Variants in ACTN2 observed in about 807,000 individuals in gnomAD.
ACTN2 encodes alpha-actinin-2.
Under a neutral mutation model 113.8 loss-of-function variants are expected in ACTN2, and 39 were observed. The observed-to-expected ratio is 0.34, with a 90% CI of 0.27 to 0.45. ACTN2 has a LOEUF of 0.45. Ranked by LOEUF, ACTN2 falls within the 20% of genes least tolerant of loss-of-function variation. The pLI is 1.00. For missense variants in ACTN2, 992 were observed against 1,177.9 expected (o/e 0.84, Z 2.31); for synonymous variants, 429 against 444.1 (o/e 0.97, Z 0.43).
chr1:236,755,726 G>C (rs112593389), intron 17 of ACTN2, among the ~76,000 whole-genome samples: 1 of 116,214 alleles, frequency 8.6e-6, no homozygotes, highest in Admixed American at 8.6e-5. Flanking sequence ...CCTGGTTATA[G>C]AGTATATACT....
intron 7 of ACTN2, among the ~76,000 whole-genome samples, chr1:236,733,000 T>C (rs771155336): frequency 6.6e-6 from 1 of 152,234 alleles, no homozygotes; most frequent in Non-Finnish European, 1.5e-5. Context: ...TATTATTGGC[T>C]ATTAATACTT....
At chr1:236,719,525 C>A (rs1658321159) in intron 3 of ACTN2, among the ~76,000 whole-genome samples, 1 of 152,206 alleles carries the variant, frequency 6.6e-6, no homozygotes, top group Non-Finnish European at 1.5e-5. Flanking sequence ...GGCACAGTGG[C>A]TCATGCTCAT....
intron 3 of ACTN2, among the ~76,000 whole-genome samples, chr1:236,719,344 G>A (rs1658315213): frequency 6.6e-6 from 1 of 152,232 alleles, no homozygotes; most frequent in Admixed American, 6.5e-5. Context: ...TGTTCTCTAT[G>A]GGAGACTGGG....
rs1247389339 is a variant in ACTN2, at chr1:236,725,930, C to T, written c.449-3C>T. 6.2e-7 allele frequency: 1 copy of T among 1,613,962 alleles called. No homozygotes were observed. Among genetic ancestry groups the T allele is most frequent in the East Asian group, 2.2e-5 (1 of 44,892 alleles). On this transcript the variant is annotated splice_region_variant and splice_polypyrimidine_tract_variant and intron_variant, in intron 4 of 20. Transcript: ENST00000366578. ...GGCCACTTTTTCTTGGCTGTCATTACAGAAACATCTGCCAAAGAAGGTCTG... is the reference window on the plus strand; with the variant it reads ...GGCCACTTTTTCTTGGCTGTCATTATAGAAACATCTGCCAAAGAAGGTCTG...
chr1:236,686,523 C>G lies in ACTN2; in HGVS notation c.-151C>G. ...CGGAGCTGGTGCTTCGCCCGAGACC[C>G]AGCGCCCAGGCGTGTCGCCCCGAGA... On this transcript the variant is annotated 5_prime_UTR_variant, in exon 1 of 21. Transcript: ENST00000366578. 1 of 878,344 alleles carries G rather than the reference C, an allele frequency of 1.1e-6. No individual in the cohort carries two copies. The highest frequency in any genetic ancestry group is 1.5e-6 in the Non-Finnish European group (1 of 667,258). 54.4% of individuals were successfully genotyped at this position (878,344 alleles called of 1,614,324 possible). A position where few individuals can be genotyped will look rare whatever the true frequency, so the allele number is the denominator to read the frequency against.
rs12737342 is a variant in ACTN2 at position 236,709,370 on chromosome 1, A to G, written c.127-8488A>G. 4.1e-5 allele frequency among the ~76,000 whole-genome samples: 6 copies of G among 146,108 alleles called. No individual in the cohort carries two copies. The South Asian group carries it at 6.4e-4, about 16-fold the overall frequency. On this transcript the variant is annotated intron_variant, in intron 1 of 20. Coordinates refer to ENST00000366578, the MANE Select transcript of ACTN2 (RefSeq NM_001103.4). ...TATATATATATATACGTGTGTGTGT[A>G]TATATATATATGTATGTATATCTGG...
intron 1 of ACTN2, among the ~76,000 whole-genome samples, chr1:236,706,036 T>G (rs1055627806): frequency 1.3e-5 from 2 of 152,176 alleles, no homozygotes; most frequent in African/African-American, 4.8e-5. Context: ...CCACTTAAAG[T>G]GTCATCCATT....
chr1:236,763,217 A>T lies in ACTN2; in HGVS notation c.*598A>T, dbSNP rs1659761094. 1.2e-5 allele frequency: 2 copies of T among 160,782 alleles called. No individual in the cohort carries two copies. Among genetic ancestry groups the T allele is most frequent in the Non-Finnish European group, 2.7e-5 (2 of 73,146 alleles). 10.0% of individuals were successfully genotyped at this position (160,782 alleles called of 1,614,324 possible). Reference sequence around the variant, plus strand: ...AAGATTTTTGGCACTTACAATTTTTAAAATAGTTTATGTCATCTCTTCATT... The same window carrying T: ...AAGATTTTTGGCACTTACAATTTTTTAAATAGTTTATGTCATCTCTTCATT... On this transcript the variant is annotated 3_prime_UTR_variant, in exon 21 of 21. Transcript: ENST00000366578.
chr1:236,706,255 A>T (rs907542072), intron 1 of ACTN2, among the ~76,000 whole-genome samples: 1 of 151,848 alleles, frequency 6.6e-6, no homozygotes, highest in African/African-American at 2.4e-5. Flanking sequence ...TCTTTTTATT[A>T]AAAAAAATGT....
chr1:236,686,840 G>T, intron 1 of ACTN2, 41 bp downstream of exon 1: 1 of 1,386,248 alleles, frequency 7.2e-7, no homozygotes, highest in Non-Finnish European at 9.4e-7. Context: ...TGGTGGGGCC[G>T]GGTCCCCCGC....
intron 1 of ACTN2, among the ~76,000 whole-genome samples, chr1:236,716,976 A>T (rs1213012926): frequency 6.6e-6 from 1 of 151,632 alleles, no homozygotes; most frequent in Non-Finnish European, 1.5e-5. Context: ...CTGGGACTAC[A>T]GGCACACGTT....
intron 4 of ACTN2, among the ~76,000 whole-genome samples, chr1:236,721,906 A>G (rs1410746370): frequency 2.6e-5 from 4 of 152,170 alleles, no homozygotes; most frequent in South Asian, 4.1e-4. Flanking sequence ...GTAGGTATGA[A>G]TGGTATTATC....
At chr1:236,748,009 G>T in intron 13 of ACTN2, 1 of 488,812 alleles carries the variant, frequency 2.0e-6, no homozygotes, top group Non-Finnish European at 3.7e-6. Flanking sequence ...AAAATCCAGG[G>T]GTGATGAGAT....
chr1:236,719,899 C>G (rs1355216177), intron 3 of ACTN2, among the ~76,000 whole-genome samples: 5 of 151,804 alleles, frequency 3.3e-5, no homozygotes, highest in African/African-American at 1.2e-4. Context: ...TTATTATTAA[C>G]TTAGAATTTA....
intron 6 of ACTN2, among the ~76,000 whole-genome samples, chr1:236,728,675 C>A (rs945659565): frequency 6.6e-6 from 1 of 151,938 alleles, no homozygotes; most frequent in African/African-American, 2.4e-5. Flanking sequence ...GCAATTCTGC[C>A]TTTAAGGTAA....
chr1:236,689,991 A>G (rs1261174903), intron 1 of ACTN2, among the ~76,000 whole-genome samples: 1 of 152,220 alleles, frequency 6.6e-6, no homozygotes, highest in African/African-American at 2.4e-5. Flanking sequence ...ATGTGTCGAT[A>G]CGTAAAGGGT....
In ACTN2 at chr1:236,737,297, G is replaced by GTATA; in HGVS notation, c.876+83_876+84insTATA. On this transcript the variant is annotated intron_variant, in intron 9 of 20. Coordinates refer to ENST00000366578, the MANE Select transcript of ACTN2 (RefSeq NM_001103.4). ...GAGGGTGAAAAAATACTCCGTGGGG[G>GTATA]CATATATATATATATATATATTTTG... 1,487 of 321,928 alleles carry GTATA rather than the reference G, an allele frequency of 4.6e-3. 297 individuals carry two copies. The highest frequency in any genetic ancestry group is 0.045 in the East Asian group (764 of 17,128). 19.9% of individuals were successfully genotyped at this position (321,928 alleles called of 1,614,324 possible). A position where few individuals can be genotyped will look rare whatever the true frequency, so the allele number is the denominator to read the frequency against.
At chr1:236,744,461 A>G (rs536616366) in intron 11 of ACTN2, among the ~76,000 whole-genome samples, 165 bp from the exon 12 acceptor site, 2 of 152,304 alleles carry the variant, frequency 1.3e-5, no homozygotes, top group Admixed American at 1.3e-4. Flanking sequence ...TCAGCAGGTA[A>G]CAGCCTGAAT....
chr1:236,736,780 C>T (rs1488631096), intron 8 of ACTN2: 16 of 700,682 alleles, frequency 2.3e-5, no homozygotes, highest in Non-Finnish European at 3.3e-5. Context: ...TTCAGGTGGA[C>T]ATTCAGGGAC....
Sources: gnomAD v4.1 joint callset for allele counts (sites outside exome capture counted in the v4.1 genomes callset) on GRCh38, gnomAD v4.1.1 for gene constraint, MANE v1.5 for transcripts, NCBI Gene and HGNC (gene_info 2026-07-23, HGNC 2026-07-21) for gene names.